ERI1: variants seen among roughly 807,000 people sequenced by gnomAD.
ERI1 encodes exoribonuclease 1, also known as 3'-5' exoribonuclease 1.
Under a neutral mutation model 39.7 loss-of-function variants are expected in ERI1, and 39 were observed. The observed-to-expected ratio is 0.98, with a 90% CI of 0.76 to 1.28. The LOEUF (loss-of-function observed/expected upper bound fraction) is 1.28. ERI1 is among the 50% of genes most tolerant of loss of function. The pLI is 0.00. For synonymous variants in ERI1, 204 were observed against 149.6 expected (o/e 1.36, Z -2.65); for missense variants, 581 against 416.9 (o/e 1.39, Z -3.43).
chr8:9,085,585 T>C (rs1009511476), intron 3 of ERI1, among the ~76,000 whole-genome samples: 8 of 151,568 alleles, frequency 5.3e-5, no homozygotes, highest in African/African-American at 1.7e-4. Flanking sequence ...TCTCTCTGCT[T>C]GTGTACTAAA....
chr8:9,057,024 G>C (rs1392878911), intron 3 of ERI1, among the ~76,000 whole-genome samples: 1 of 152,104 alleles, frequency 6.6e-6, no homozygotes, highest in East Asian at 1.9e-4. Context: ...ATAGAGGTGG[G>C]GTTTCAACAC....
chr8:9,010,161 A>G (rs1316760003), intron 2 of ERI1, among the ~76,000 whole-genome samples: 3 of 152,212 alleles, frequency 2.0e-5, no homozygotes, highest in African/African-American at 7.2e-5. Flanking sequence ...ATTGACAAAC[A>G]TGGTGAATAT....
chr8:9,077,234 C>G (rs1440065745), intron 3 of ERI1, among the ~76,000 whole-genome samples: 2 of 152,246 alleles, frequency 1.3e-5, no homozygotes, highest in East Asian at 3.9e-4. Flanking sequence ...CATGCATTTC[C>G]CTGCCACATT....
At chr8:9,013,113 C>G (rs545788690) in intron 3 of ERI1, among the ~76,000 whole-genome samples, 5 of 151,914 alleles carry the variant, frequency 3.3e-5, no homozygotes, top group African/African-American at 7.2e-5. Context: ...CTCCTGGGTT[C>G]GAGCAGCTCT....
chr8:9,004,384 C>T (rs1815728278), intron 1 of ERI1: 9 of 771,226 alleles, frequency 1.2e-5, no homozygotes, highest in Non-Finnish European at 1.5e-5. Flanking sequence ...AAAGTCTTGA[C>T]ACTTTTACAG....
chr8:9,050,789 C>T (rs991490836), intron 3 of ERI1, among the ~76,000 whole-genome samples: 1 of 152,208 alleles, frequency 6.6e-6, no homozygotes, highest in Non-Finnish European at 1.5e-5. Flanking sequence ...CCCACCACAA[C>T]TCCGGGCCTC....
chr8:9,017,211 T>A (rs1817397799), intron 4 of ERI1, among the ~76,000 whole-genome samples: 1 of 152,082 alleles, frequency 6.6e-6, no homozygotes, highest in Admixed American at 6.6e-5. Flanking sequence ...GGCTAATTTT[T>A]TTTTTATTTT....
intron 3 of ERI1, among the ~76,000 whole-genome samples, chr8:9,071,368 C>G (rs1326187607): frequency 6.6e-6 from 1 of 152,206 alleles, no homozygotes; most frequent in Non-Finnish European, 1.5e-5. Context: ...GCACACCCAT[C>G]ACAAAATGCC....
chr8:9,087,214 A>ATCTTATTTT (rs917806309), intron 3 of ERI1, among the ~76,000 whole-genome samples: 10 of 150,402 alleles, frequency 6.6e-5, no homozygotes, highest in African/African-American at 2.2e-4. Context: ...CCCCACCTTC[A>ATCTTATTTT]TCTTATTTTT....
chr8:9,017,591 A>G (rs947885163), intron 4 of ERI1, among the ~76,000 whole-genome samples: 2 of 152,190 alleles, frequency 1.3e-5, no homozygotes, highest in Non-Finnish European at 2.9e-5. Flanking sequence ...GACAGAGGGA[A>G]TAGAAGACTG....
chr8:9,028,847 C>T (rs892112123), intron 6 of ERI1, among the ~76,000 whole-genome samples: 9 of 152,132 alleles, frequency 5.9e-5, no homozygotes, highest in African/African-American at 2.2e-4. Context: ...TGGTCTTGAA[C>T]TCCTGACCTC....
intron 3 of ERI1, among the ~76,000 whole-genome samples, chr8:9,098,719 G>A (rs1166949483): frequency 6.6e-6 from 1 of 150,424 alleles, no homozygotes; most frequent in East Asian, 1.9e-4. Flanking sequence ...AAAACCTATT[G>A]AAATAAAAAA....
intron 3 of ERI1, among the ~76,000 whole-genome samples, chr8:9,082,724 G>T (rs1371431228): frequency 1.3e-5 from 2 of 152,296 alleles, no homozygotes; most frequent in South Asian, 2.1e-4. Context: ...GGGCCAGAAG[G>T]TCGGACAGAA....
At position 9,039,978 on chromosome 8, in the gene ERI1, G is replaced by A. The variant is rs942791325; in HGVS notation, n.299+19514G>A. ...CTGATAGTCCTGAAAATTATTCCAA[G>A]TACAATTAAAATATTCAGCATCACT... On this transcript the variant is annotated intron_variant and non_coding_transcript_variant, in intron 3 of 3. Coordinates refer to the ERI1 transcript ENST00000518663. 3.3e-5 allele frequency among the ~76,000 whole-genome samples: 5 copies of A among 152,200 alleles called. No individual in the cohort carries two copies. The South Asian group carries it at 6.2e-4, about 19-fold the overall frequency.
At chr8:9,007,755 T>A (rs946602477) in intron 1 of ERI1, among the ~76,000 whole-genome samples, 1 of 152,108 alleles carries the variant, frequency 6.6e-6, no homozygotes, top group African/African-American at 2.4e-5. Context: ...TTGAGGAACC[T>A]CATGACTCAT....
intron 3 of ERI1, among the ~76,000 whole-genome samples, chr8:9,092,583 C>G (rs1013220574): frequency 6.6e-6 from 1 of 152,196 alleles, no homozygotes; most frequent in African/African-American, 2.4e-5. Flanking sequence ...TTCCTTCGGT[C>G]TTTCTCACAC....
intron 3 of ERI1, among the ~76,000 whole-genome samples, chr8:9,077,506 C>T (rs1329000574): frequency 1.6e-5 from 1 of 63,620 alleles, no homozygotes; most frequent in South Asian, 3.3e-4. Context: ...TTATACCCCA[C>T]AGAAAAAAAA....
intron 3 of ERI1, among the ~76,000 whole-genome samples, chr8:9,065,998 T>C (rs1011674369): frequency 1.3e-5 from 2 of 151,914 alleles, no homozygotes; most frequent in East Asian, 1.9e-4. Flanking sequence ...CACGGCCGCC[T>C]TTTTTTTCTT....
chr8:9,091,865 A>T (rs1018858217), intron 3 of ERI1, among the ~76,000 whole-genome samples: 9 of 152,172 alleles, frequency 5.9e-5, no homozygotes. Flanking sequence ...AGACATTCCT[A>T]AATGCCCTCT....
Sources: gnomAD v4.1 joint callset for allele counts (sites outside exome capture counted in the v4.1 genomes callset) on GRCh38, gnomAD v4.1.1 for gene constraint, MANE v1.5 for transcripts, NCBI Gene and HGNC (gene_info 2026-07-23, HGNC 2026-07-21) for gene names.